The following UGGT1 variants were observed in gnomAD, a reference collection of about 807,000 sequenced individuals.
The protein encoded by UGGT1 is UDP-glucose:glycoprotein glucosyltransferase 1.
UGGT1 carries 107 observed loss-of-function variants against 203.9 expected under a neutral mutation model. The ratio of observed to expected loss-of-function variants is 0.52; its 90% CI spans 0.45 to 0.62. UGGT1 has a LOEUF of 0.62. UGGT1 is among the 20% of genes least tolerant of loss of function. The probability of loss-of-function intolerance (pLI) is 0.00; values close to 1 mark genes in which losing one functional copy is unlikely to be tolerated. For synonymous variants in UGGT1, 628 were observed against 653.5 expected (o/e 0.96, Z 0.59); for missense variants, 1,673 against 1,867.2 (o/e 0.90, Z 1.92).
At chr2:128,142,826 A>G (rs1004328140) in intron 16 of UGGT1, among the ~76,000 whole-genome samples, 2 of 151,758 alleles carry the variant, frequency 1.3e-5, no homozygotes, top group African/African-American at 4.8e-5. Context: ...TACTAAAAAT[A>G]CAAAAAATTA....
At chr2:128,136,951 C>T (rs1689155573) in intron 15 of UGGT1, among the ~76,000 whole-genome samples, 1 of 152,128 alleles carries the variant, frequency 6.6e-6, no homozygotes. Context: ...TTGCCGTTCC[C>T]TAATGACATA....
At chr2:128,126,963 G>A (rs1688637964) in intron 11 of UGGT1, among the ~76,000 whole-genome samples, 1 of 152,154 alleles carries the variant, frequency 6.6e-6, no homozygotes, top group South Asian at 2.1e-4. Context: ...GATTACAGGT[G>A]TGAGCCTCTG....
intron 16 of UGGT1, among the ~76,000 whole-genome samples, chr2:128,142,081 A>G (rs1689456711): frequency 1.3e-5 from 2 of 151,672 alleles, no homozygotes; most frequent in South Asian, 4.2e-4. Flanking sequence ...AGCTGGAATT[A>G]CAGGTGTGCA....
At chr2:128,159,815 G>T in intron 23 of UGGT1, 95 bp downstream of exon 23, 4 of 1,276,264 alleles carry the variant, frequency 3.1e-6, no homozygotes, top group South Asian at 2.9e-5. Flanking sequence ...ATCACGATTT[G>T]TCATTTTAGT....
At chr2:128,155,735 C>G (rs1409133414) in intron 20 of UGGT1, 148 bp downstream of exon 20, 2 of 526,822 alleles carry the variant, frequency 3.8e-6, no homozygotes, top group African/African-American at 3.9e-5. Flanking sequence ...TAGAACATAT[C>G]TATTTAAAGT....
Position 128,097,473 on chromosome 2 carries a change from T to G in UGGT1, c.103T>G (p.Trp35Gly). Residue 35 changes from tryptophan (W) to glycine (G), a missense_variant, in exon 2 of 41, where the codon TGG becomes GGG. By Grantham distance (184) the Trp-to-Gly change is radical. Transcript: ENST00000259253. ...MGVLVVLTVL[W>G]LFSSVKADSK... Reference sequence around the variant, plus strand: ...AGTTCTGGTTGTACTCACTGTTCTGTGGCTGTTCTCCTCAGTAAAGGCCGA... The same window carrying G: ...AGTTCTGGTTGTACTCACTGTTCTGGGGCTGTTCTCCTCAGTAAAGGCCGA... 6.2e-7 allele frequency: 1 copy of G among 1,614,232 alleles called. No homozygotes were observed.
In UGGT1 at chr2:128,091,280, T is replaced by C; in HGVS notation, c.-78T>C. On this transcript the variant is annotated 5_prime_UTR_variant, in exon 1 of 41. Coordinates refer to ENST00000259253, the MANE Select transcript of UGGT1 (RefSeq NM_020120.4). ...GTGTCGGCCTCTCACTGGCGCAGCC[T>C]GCACTGCCGCTGCCGCCTCGCCCCG... The C allele has an allele frequency of 7.0e-7, 1 of 1,421,852 alleles. No homozygotes were observed. Among genetic ancestry groups the C allele is most frequent in the Non-Finnish European group, 9.4e-7 (1 of 1,069,488 alleles). 88.1% of individuals were successfully genotyped at this position (1,421,852 alleles called of 1,614,324 possible).
In UGGT1 at chr2:128,152,756, C is replaced by G. The variant is rs763089432; in HGVS notation, c.2017-28C>G. 14 of 1,581,214 alleles carry G rather than the reference C, an allele frequency of 8.9e-6. No homozygotes were observed. The South Asian group carries it at 1.1e-4, about 12-fold the overall frequency. On this transcript the variant is annotated intron_variant, in intron 18 of 40. Transcript: ENST00000259253. The stretch of plus-strand genomic sequence containing the variant: ...TTGCTAAAATTTGCTTTACCCTCCC[C>G]CCTCAACCTCCTTTTTTTTTCTTGC...
chr2:128,092,662 A>G (rs192538484), intron 1 of UGGT1, among the ~76,000 whole-genome samples: 115 of 145,012 alleles, frequency 7.9e-4, no homozygotes, highest in African/African-American at 2.4e-3. Context: ...CTGGAGTGCA[A>G]TGGTGCAAGA....
Position 128,191,273 on chromosome 2 carries a change from G to T in UGGT1, c.*1531G>T, listed in dbSNP as rs1233244975. The stretch of plus-strand genomic sequence containing the variant: ...ATCTTAGTCTTATCACAAATATCAA[G>T]TAATTTATTTTTTCCATTTTCAAAT... On this transcript the variant is annotated 3_prime_UTR_variant, in exon 41 of 41. Coordinates refer to ENST00000259253, the MANE Select transcript of UGGT1 (RefSeq NM_020120.4). 1 of 152,198 alleles carries T rather than the reference G, an allele frequency of 6.6e-6. No homozygotes were observed. The highest frequency in any genetic ancestry group is 1.9e-4 in the East Asian group (1 of 5,200). 9.4% of individuals were successfully genotyped at this position (152,198 alleles called of 1,614,324 possible).
chr2:128,184,597 G>T (rs1691878492), intron 38 of UGGT1, among the ~76,000 whole-genome samples: 1 of 152,140 alleles, frequency 6.6e-6, no homozygotes, highest in Non-Finnish European at 1.5e-5. Flanking sequence ...TACTGTTTAA[G>T]CATGTATCCA....
At position 128,138,818 on chromosome 2, in the gene UGGT1, T is replaced by C. The variant is rs751532142; in HGVS notation, c.1685T>C (p.Val562Ala). The change falls in exon 16 of 41, where the codon GTG becomes GCG. Residue 562 changes from valine (V) to alanine (A), a missense_variant. Around this residue, in one of 4 missense-constraint regions of UGGT1, gnomAD observed 1,073 missense variants for 1,078.7 expected, o/e 0.99. Transcript: ENST00000259253. ...GCATATAATTATGTTGCCCAAGAAG[T>C]GGATGATTATCATGCCTTCCAGACT... Reference protein sequence around the residue: ...LRAYNYVAQEVDDYHAFQTLT... With the variant: ...LRAYNYVAQEADDYHAFQTLT... The C allele has an allele frequency of 6.2e-7, 1 of 1,614,114 alleles. No individual in the cohort carries two copies. The highest frequency in any genetic ancestry group is 1.1e-5 in the South Asian group (1 of 91,070).
At position 128,182,293 on chromosome 2, in the gene UGGT1, A is replaced by G. The variant is rs1180569933; in HGVS notation, c.4244+3A>G. The G allele has an allele frequency of 1.9e-6, 3 of 1,609,974 alleles. No homozygotes were observed. The highest frequency in any genetic ancestry group is 2.7e-5 in the African/African-American group (2 of 74,696). On this transcript the variant is annotated splice_donor_region_variant and intron_variant, in intron 37 of 40. Transcript: ENST00000259253. ...GCCGGGCGAAAGTATCATATCAGGT[A>G]CTGAAAAGAAGCACTCCTAACACTG...
At chr2:128,159,257 G>T (rs1044967204) in intron 22 of UGGT1, among the ~76,000 whole-genome samples, 20 of 151,696 alleles carry the variant, frequency 1.3e-4, no homozygotes, top group African/African-American at 3.9e-4. Context: ...CCACCACCAT[G>T]CCTGGCTAAT....
At chr2:128,094,352 C>T (rs1311127894) in intron 1 of UGGT1, among the ~76,000 whole-genome samples, 1 of 152,006 alleles carries the variant, frequency 6.6e-6, no homozygotes, top group Admixed American at 6.6e-5. Flanking sequence ...TATTTAATAA[C>T]GATGATGTAC....
intron 11 of UGGT1, among the ~76,000 whole-genome samples, chr2:128,126,951 GA>G: frequency 6.6e-6 from 1 of 152,138 alleles, no homozygotes; most frequent in Middle Eastern, 3.2e-3. Context: ...CCCAAGTGCT[GA>G]GATTACAGGT....
intron 2 of UGGT1, among the ~76,000 whole-genome samples, chr2:128,099,650 T>G (rs1298695349): frequency 6.6e-6 from 1 of 152,206 alleles, no homozygotes; most frequent in African/African-American, 2.4e-5. Flanking sequence ...CTAAATAGAC[T>G]TCCTTCCATC....
At chr2:128,172,008 G>A (rs1412019824) in intron 28 of UGGT1, among the ~76,000 whole-genome samples, 1 of 152,190 alleles carries the variant, frequency 6.6e-6, no homozygotes, top group Non-Finnish European at 1.5e-5. Context: ...TAGCTTCTAA[G>A]TGGATTGAAA....
chr2:128,145,826 G>A lies in UGGT1; in HGVS notation c.1875G>A (p.Gln625=), dbSNP rs752145530. 4 of 1,606,828 alleles carry A rather than the reference G, an allele frequency of 2.5e-6. No homozygotes were observed. In the East Asian group the frequency reaches 6.7e-5, roughly 27 times the overall value. The change falls in exon 18 of 41, where the codon CAG becomes CAA. Residue 625 remains glutamine, a synonymous_variant. Transcript: ENST00000259253. ...NRKEARGYYE[Q]TGVGPLPVVL... is the part of the protein sequence containing the mutation. Reference sequence around the variant, plus strand: ...AGGAAGCAAGAGGCTACTATGAGCAGACTGGAGTTGGACCTCTGCCCGTTG... The same window carrying A: ...AGGAAGCAAGAGGCTACTATGAGCAAACTGGAGTTGGACCTCTGCCCGTTG...
Sources: allele counts gnomAD v4.1 joint callset (sites outside exome capture counted in the v4.1 genomes callset), GRCh38; gene constraint gnomAD v4.1.1; regional missense constraint gnomAD v4.1.1; transcripts MANE v1.5; gene names NCBI Gene and HGNC (gene_info 2026-07-23, HGNC 2026-07-21).